Variants in IPPK observed in about 807,000 individuals in gnomAD.
IPPK encodes IPK1 homolog.
IPPK carries 22 observed loss-of-function variants against 64.6 expected under a neutral mutation model. That is an observed-to-expected ratio of 0.34 (90% CI 0.24 to 0.49). The LOEUF (loss-of-function observed/expected upper bound fraction) is 0.49, where lower values mean the gene tolerates loss of function less well. IPPK is among the 20% of genes least tolerant of loss of function. The pLI, the probability that IPPK is intolerant of heterozygous loss-of-function variation, is 0.99. For missense variants in IPPK, 532 were observed against 630.7 expected (o/e 0.84, Z 1.68); for synonymous variants, 262 against 247.2 (o/e 1.06, Z -0.56).
intron 12 of IPPK, 31 bp from the exon 13 acceptor site, chr9:92,616,088 A>G (rs753608519): frequency 1.4e-6 from 2 of 1,477,960 alleles, no homozygotes; most frequent in Admixed American, 1.8e-5. Context: ...TTCAGGATAC[A>G]CAAGCCCCCC....
At chr9:92,657,727 C>T (rs1472420112) in intron 2 of IPPK, among the ~76,000 whole-genome samples, 3 of 152,062 alleles carry the variant, frequency 2.0e-5, no homozygotes, top group Admixed American at 2.0e-4. Context: ...GCCTGCCTGC[C>T]TCGACCCCAC....
chr9:92,642,601 C>T (rs1271169221), intron 7 of IPPK, 151 bp downstream of exon 7: 1 of 648,256 alleles, frequency 1.5e-6, no homozygotes, highest in East Asian at 2.7e-5. Context: ...CAGGTGTCTA[C>T]AGCGCTGATG....
chr9:92,649,930 G>A (rs997928742), intron 4 of IPPK, among the ~76,000 whole-genome samples: 9 of 151,916 alleles, frequency 5.9e-5, no homozygotes, highest in Admixed American at 5.9e-4. Flanking sequence ...GGAGGCTGAA[G>A]CAGGAGAATT....
At position 92,615,997 on chromosome 9, in the gene IPPK, C is replaced by T; in HGVS notation, c.1311G>A (p.Val437=). 1 of 1,614,172 alleles carries T rather than the reference C, an allele frequency of 6.2e-7. No homozygotes were observed. Among genetic ancestry groups the T allele is most frequent in the Non-Finnish European group, 8.5e-7 (1 of 1,180,032 alleles). ...SRSRFAFSVS[V]LDLDLKPYES... is the part of the protein sequence containing the mutation. ...CGTAGGGCTTGAGGTCAAGGTCCAGCACAGACACGGAAAAGGCAAACCTGG... is the reference window on the plus strand; with the variant it reads ...CGTAGGGCTTGAGGTCAAGGTCCAGTACAGACACGGAAAAGGCAAACCTGG... Residue 437 remains valine, a synonymous_variant, in exon 13 of 13, where the codon GTG becomes GTA. Coordinates refer to ENST00000287996, the MANE Select transcript of IPPK (RefSeq NM_022755.6).
chr9:92,648,851 A>AG (rs1852200350), intron 5 of IPPK, among the ~76,000 whole-genome samples: 1 of 152,190 alleles, frequency 6.6e-6, no homozygotes, highest in Admixed American at 6.5e-5. Flanking sequence ...AGCTGAAGCA[A>AG]GGGGGGCCCT....
chr9:92,632,018 C>CT (rs1297081663), intron 11 of IPPK, among the ~76,000 whole-genome samples: 4 of 152,204 alleles, frequency 2.6e-5, no homozygotes, highest in African/African-American at 9.7e-5. Context: ...ACAAAGCCCC[C>CT]TGGAGGTCCA....
intron 8 of IPPK, among the ~76,000 whole-genome samples, chr9:92,638,874 AACACTTAG>A: frequency 6.6e-6 from 1 of 152,274 alleles, no homozygotes; most frequent in East Asian, 1.9e-4. Context: ...TTACAACATC[AACACTTAG>A]ATTCACACAT....
chr9:92,635,313 C>T lies in IPPK; in HGVS notation c.917-5G>A, dbSNP rs1196704706. On this transcript the variant is annotated splice_polypyrimidine_tract_variant and splice_region_variant and intron_variant, in intron 9 of 12. Coordinates refer to ENST00000287996, the MANE Select transcript of IPPK (RefSeq NM_022755.6). This position sits in a 1 kb window ranked among gnomAD's most constrained non-coding sequence, Gnocchi z 4.4. ...AGCGCTCTGGGGTGTTTTTTCCTAC[C>T]GAGAACATCAGGGGAAAACGAGAGC... 8.7e-6 allele frequency: 14 copies of T among 1,605,982 alleles called. 1 individual carries two copies. The highest frequency in any genetic ancestry group is 5.5e-5 in the South Asian group (5 of 90,794).
At chr9:92,663,120 C>A (rs868803569) in intron 1 of IPPK, among the ~76,000 whole-genome samples, 1 of 152,200 alleles carries the variant, frequency 6.6e-6, no homozygotes, top group African/African-American at 2.4e-5. Context: ...GAAACAGATA[C>A]GTAGTGTTGT....
At position 92,633,347 on chromosome 9, in the gene IPPK, G is replaced by C. The variant is rs569889444; in HGVS notation, c.1170+1039C>G. 3.3e-5 allele frequency among the ~76,000 whole-genome samples: 5 copies of C among 151,394 alleles called. No homozygotes were observed. In the East Asian group the frequency reaches 9.7e-4, roughly 29 times the overall value. On this transcript the variant is annotated intron_variant, in intron 11 of 12. Coordinates refer to ENST00000287996, the MANE Select transcript of IPPK (RefSeq NM_022755.6). ...TTTAAAATGTGTAATATAAAATACA[G>C]GTGGCAGAAATGTAAAATACCAAAA...
At chr9:92,618,581 C>A in intron 12 of IPPK, 1 of 456,614 alleles carries the variant, frequency 2.2e-6, no homozygotes, top group South Asian at 1.5e-5. Context: ...TCGAACACCA[C>A]CAGCTTAATC....
Position 92,658,664 on chromosome 9 carries a change from C to G in IPPK, c.99G>C (p.Arg33=). The G allele has an allele frequency of 2.5e-6, 4 of 1,614,116 alleles. No individual in the cohort carries two copies. The highest frequency in any genetic ancestry group is 3.4e-6 in the Non-Finnish European group (4 of 1,179,966). The change falls in exon 2 of 13, where the codon CGG becomes CGC. Residue 33 remains arginine (R), a synonymous_variant. Transcript: ENST00000287996. ...TCCTATTTGGAGGAAACTTCAGAAA[C>G]CGCAGCACGACGCAGCGCTGTTGGA... ...VAHAQRCVVL[R]FLKFPPNRKK... is the part of the protein sequence containing the mutation.
Position 92,619,122 on chromosome 9 carries a change from G to A in IPPK, c.1250+364C>T, listed in dbSNP as rs746828464. ...CGCCATGCTGCCACTGTGGGAGACCGAGGAACAAGGGCCACAGGTACCCAC... is the reference window on the plus strand; with the variant it reads ...CGCCATGCTGCCACTGTGGGAGACCAAGGAACAAGGGCCACAGGTACCCAC... On this transcript the variant is annotated intron_variant, in intron 12 of 12. Transcript: ENST00000287996. 19 of 239,586 alleles carry A rather than the reference G, an allele frequency of 7.9e-5. No homozygotes were observed. The East Asian group carries it at 1.1e-3, about 14-fold the overall frequency. The allele number at this position is 239,586 out of a possible 1,614,324, so 14.8% of individuals were successfully genotyped here. A position where few individuals can be genotyped will look rare whatever the true frequency, so the allele number is the denominator to read the frequency against.
At position 92,615,855 on chromosome 9, in the gene IPPK, T is replaced by A. The variant is rs749757732; in HGVS notation, c.1453A>T (p.Thr485Ser). 1.2e-6 allele frequency: 2 copies of A among 1,613,944 alleles called. No homozygotes were observed. Among genetic ancestry groups the A allele is most frequent in the South Asian group, 2.2e-5 (2 of 91,078 alleles). The change falls in exon 13 of 13, where the codon ACA becomes TCA. Residue 485 changes from threonine to serine, a missense_variant. Thr to Ser is a moderately conservative substitution (Grantham distance 58, BLOSUM62 1). Coordinates refer to ENST00000287996, the MANE Select transcript of IPPK (RefSeq NM_022755.6). ...STRFKESEDC[T>S]LVLHKV ...AGTTAGACCTTGTGGAGAACTAATG[T>A]GCAATCTTCGCTTTCCTTGAACCGA...
At chr9:92,667,015 C>T (rs1190370877) in intron 1 of IPPK, among the ~76,000 whole-genome samples, 2 of 152,196 alleles carry the variant, frequency 1.3e-5, no homozygotes, top group Admixed American at 1.3e-4. Flanking sequence ...CTTACCTAGG[C>T]CCTCGGCTCC....
intron 12 of IPPK, chr9:92,618,646 A>G (rs953556479): frequency 1.4e-5 from 6 of 442,746 alleles, no homozygotes; most frequent in South Asian, 7.9e-5. Context: ...AGGGGATAAC[A>G]GGAGTTTTCA....
At position 92,650,400 on chromosome 9, in the gene IPPK, G is replaced by A. The variant is rs112171486; in HGVS notation, c.293-826C>T. The stretch of plus-strand genomic sequence containing the variant: ...GGGTAGCTTCACGCCTTATGGTATC[G>A]GCTCAAACTCTGGAGAGGCTGGAGA... On this transcript the variant is annotated intron_variant, in intron 4 of 12. Transcript: ENST00000287996. Among the ~76,000 whole-genome samples, 16 of 152,074 alleles carry A rather than the reference G, an allele frequency of 1.1e-4. 1 individual carries two copies. The highest frequency in any genetic ancestry group is 3.6e-4 in the African/African-American group (15 of 41,478).
At chr9:92,666,611 C>T (rs1467455656) in intron 1 of IPPK, among the ~76,000 whole-genome samples, 1 of 152,172 alleles carries the variant, frequency 6.6e-6, no homozygotes, top group Non-Finnish European at 1.5e-5. Context: ...ACAGGGTCCA[C>T]ACCACATGAG....
chr9:92,669,977 C>A lies in IPPK; in HGVS notation c.12G>T (p.Gly4=). The change falls in exon 1 of 13, where the codon GGG becomes GGT. Residue 4 remains glycine, a synonymous_variant. Transcript: ENST00000287996. ...ACCCCCATTCATTCTCGTCCATCTT[C>A]CCCTCTTCCATGCCCAGGCGCAGCC... MEE[G]KMDENEWGYH... 6.2e-7 allele frequency: 1 copy of A among 1,612,428 alleles called. No individual in the cohort carries two copies. The highest frequency in any genetic ancestry group is 1.1e-5 in the South Asian group (1 of 90,940).
Sources: gnomAD v4.1 joint callset for allele counts (sites outside exome capture counted in the v4.1 genomes callset) on GRCh38, gnomAD v4.1.1 for gene constraint, Gnocchi (gnomAD v3.1) non-coding constraint, MANE v1.5 for transcripts, NCBI Gene and HGNC (gene_info 2026-07-23, HGNC 2026-07-21) for gene names.